Variants in SLC25A33 observed in about 807,000 individuals in gnomAD.
SLC25A33 encodes bone marrow stromal cell mitochondrial carrier protein.
In SLC25A33, 15 loss-of-function variants were observed where a neutral mutation model predicts 35.5. That is an observed-to-expected ratio of 0.42 (90% CI 0.28 to 0.65). The LOEUF (loss-of-function observed/expected upper bound fraction) is 0.65, where lower values mean the gene tolerates loss of function less well. Among genes scored for constraint, SLC25A33 ranks in the 30% least tolerant of loss-of-function variants. The pLI, the probability that SLC25A33 is intolerant of heterozygous loss-of-function variation, is 0.20. For missense variants in SLC25A33, 257 were observed against 398.5 expected (o/e 0.64, Z 3.02); for synonymous variants, 136 against 148.7 (o/e 0.91, Z 0.62).
At chr1:9,549,257 G>A (rs1643225218) in intron 1 of SLC25A33, among the ~76,000 whole-genome samples, 1 of 151,866 alleles carries the variant, frequency 6.6e-6, no homozygotes, top group Non-Finnish European at 1.5e-5. Context: ...AAGGCACCTA[G>A]TTCTGCCTGC....
chr1:9,543,024 G>A (rs937642340), intron 1 of SLC25A33, among the ~76,000 whole-genome samples: 2 of 152,122 alleles, frequency 1.3e-5, no homozygotes, highest in Non-Finnish European at 2.9e-5. Context: ...TGCCACGTTG[G>A]CTAGGCTGGT....
intron 4 of SLC25A33, among the ~76,000 whole-genome samples, chr1:9,572,573 G>C (rs1167078251): frequency 6.6e-6 from 1 of 151,974 alleles, no homozygotes; most frequent in East Asian, 1.9e-4. Flanking sequence ...AGCCGAGATC[G>C]CGCCACTGCA....
At chr1:9,557,569 G>A (rs1053336702) in intron 2 of SLC25A33, among the ~76,000 whole-genome samples, 5 of 151,936 alleles carry the variant, frequency 3.3e-5, no homozygotes, top group Admixed American at 6.6e-5. Context: ...GCATGTTGGC[G>A]TGCACCTATA....
At chr1:9,543,363 C>T (rs527443208) in intron 1 of SLC25A33, among the ~76,000 whole-genome samples, 4 of 152,048 alleles carry the variant, frequency 2.6e-5, no homozygotes, top group Admixed American at 6.6e-5. Flanking sequence ...AGGCTGGTCT[C>T]GAACTCCTGC....
intron 5 of SLC25A33, chr1:9,577,022 G>A (rs1643669693): frequency 2.2e-6 from 2 of 891,652 alleles, no homozygotes; most frequent in Non-Finnish European, 3.6e-6. Context: ...ACAACATGCT[G>A]GATGATTCCT....
chr1:9,566,171 T>C (rs887293743), intron 2 of SLC25A33, among the ~76,000 whole-genome samples: 4 of 152,048 alleles, frequency 2.6e-5, no homozygotes, highest in African/African-American at 4.8e-5. Flanking sequence ...CCTGAGTAGC[T>C]GGGACCACAG....
chr1:9,557,178 C>A (rs1317461856), intron 2 of SLC25A33, among the ~76,000 whole-genome samples: 2 of 152,332 alleles, frequency 1.3e-5, no homozygotes, highest in Non-Finnish European at 2.9e-5. Flanking sequence ...GGTGATCTGC[C>A]CGCCTTGGCC....
intron 1 of SLC25A33, among the ~76,000 whole-genome samples, chr1:9,547,888 G>C (rs1297382667): frequency 6.7e-6 from 1 of 149,626 alleles, no homozygotes; most frequent in Non-Finnish European, 1.5e-5. Flanking sequence ...TTCCCTTCCT[G>C]TCACCCACGC....
chr1:9,552,613 C>A (rs1643281700), intron 1 of SLC25A33, among the ~76,000 whole-genome samples: 1 of 152,120 alleles, frequency 6.6e-6, no homozygotes, highest in Non-Finnish European at 1.5e-5. Flanking sequence ...CCTGAATGAA[C>A]TATTTTGTTT....
chr1:9,574,739 G>C (rs1643636802), intron 5 of SLC25A33, among the ~76,000 whole-genome samples: 3 of 152,052 alleles, frequency 2.0e-5, no homozygotes, highest in Admixed American at 2.0e-4. Flanking sequence ...AAACTATGAA[G>C]GTGGCTTTAA....
At chr1:9,553,991 A>G (rs1168862702) in intron 2 of SLC25A33, among the ~76,000 whole-genome samples, 186 bp downstream of exon 2, 2 of 152,206 alleles carry the variant, frequency 1.3e-5, no homozygotes. Flanking sequence ...GGGGGGTCCC[A>G]GTGTACATGT....
At chr1:9,559,956 C>A (rs1643398157) in intron 2 of SLC25A33, among the ~76,000 whole-genome samples, 1 of 152,048 alleles carries the variant, frequency 6.6e-6, no homozygotes, top group South Asian at 2.1e-4. Context: ...CTTTGTTATT[C>A]AAAAACCATA....
chr1:9,577,954 T>TA (rs1643686621), intron 5 of SLC25A33, among the ~76,000 whole-genome samples: 1 of 152,082 alleles, frequency 6.6e-6, no homozygotes, highest in South Asian at 2.1e-4. Context: ...GACAGAGTCT[T>TA]ACTCTGTTGT....
At position 9,582,912 on chromosome 1, in the gene SLC25A33, A is replaced by T. The variant is rs1241276842; in HGVS notation, c.*411A>T. 5.8e-6 allele frequency: 1 copy of T among 173,462 alleles called. No individual in the cohort carries two copies. Among genetic ancestry groups the T allele is most frequent in the Non-Finnish European group, 1.2e-5 (1 of 81,746 alleles). 10.7% of individuals were successfully genotyped at this position (173,462 alleles called of 1,614,324 possible). A position where few individuals can be genotyped will look rare whatever the true frequency, so the allele number is the denominator to read the frequency against. The stretch of plus-strand genomic sequence containing the variant: ...TTATAATCTGACTTTAAGATCTTGC[A>T]CTGCTAGACAGGGAAGAAGTGTCGC... On this transcript the variant is annotated 3_prime_UTR_variant, in exon 7 of 7. Transcript: ENST00000302692. The surrounding 1 kb of genome is among the most constrained non-coding windows in gnomAD (Gnocchi z 4.0).
chr1:9,574,585 C>T (rs1212428766), intron 5 of SLC25A33, among the ~76,000 whole-genome samples: 1 of 152,168 alleles, frequency 6.6e-6, no homozygotes, highest in African/African-American at 2.4e-5. Flanking sequence ...ACAGTTACTA[C>T]TGCTGCTACT....
intron 1 of SLC25A33, among the ~76,000 whole-genome samples, chr1:9,541,869 G>C (rs990011893): frequency 7.9e-5 from 12 of 151,036 alleles, no homozygotes; most frequent in Non-Finnish European, 1.5e-4. Flanking sequence ...GCGCCATCTC[G>C]GCTCACTGCA....
intron 1 of SLC25A33, among the ~76,000 whole-genome samples, chr1:9,542,791 A>T (rs1362280724): frequency 2.0e-5 from 3 of 152,258 alleles, no homozygotes; most frequent in African/African-American, 7.2e-5. Context: ...TGATACTGTG[A>T]TACTGAACAA....
chr1:9,578,862 T>C lies in SLC25A33; in HGVS notation c.483-1092T>C, dbSNP rs1643698302. On this transcript the variant is annotated intron_variant, in intron 5 of 6. Transcript: ENST00000302692. The surrounding 1 kb of genome is among the most constrained non-coding windows in gnomAD (Gnocchi z 4.3). Reference sequence around the variant, plus strand: ...GCCTTGTGACTTAATCTAGCAGATATACCGTGGTCAGCTATCTGGATTGTT... The same window carrying C: ...GCCTTGTGACTTAATCTAGCAGATACACCGTGGTCAGCTATCTGGATTGTT... 1.3e-5 allele frequency among the ~76,000 whole-genome samples: 2 copies of C among 152,270 alleles called. No individual in the cohort carries two copies. Among genetic ancestry groups the C allele is most frequent in the South Asian group, 4.1e-4 (2 of 4,838 alleles).
In SLC25A33 at chr1:9,583,364, C is replaced by T. The variant is rs922047281; in HGVS notation, c.*863C>T. On this transcript the variant is annotated 3_prime_UTR_variant, in exon 7 of 7. Transcript: ENST00000302692. ...TGCTGAGATGAATATATATAACTTTCTGAGACTCAATATTTTAAGCTATAA... is the reference window on the plus strand; with the variant it reads ...TGCTGAGATGAATATATATAACTTTTTGAGACTCAATATTTTAAGCTATAA... 1 of 152,154 alleles carries T rather than the reference C, an allele frequency of 6.6e-6. No individual in the cohort carries two copies. The highest frequency in any genetic ancestry group is 1.5e-5 in the Non-Finnish European group (1 of 68,042). The allele number at this position is 152,154 out of a possible 1,614,324, so 9.4% of individuals were successfully genotyped here. A position where few individuals can be genotyped will look rare whatever the true frequency, so the allele number is the denominator to read the frequency against.
Sources: allele counts gnomAD v4.1 joint callset (sites outside exome capture counted in the v4.1 genomes callset), GRCh38; gene constraint gnomAD v4.1.1; non-coding constraint Gnocchi (gnomAD v3.1); transcripts MANE v1.5; gene names NCBI Gene and HGNC (gene_info 2026-07-23, HGNC 2026-07-21).